Variants in RABGAP1 observed in about 807,000 individuals in gnomAD.
The protein encoded by RABGAP1 is rab GTPase-activating protein 1.
In RABGAP1, 23 loss-of-function variants were observed where a neutral mutation model predicts 137.6. The observed-to-expected ratio is 0.17, with a 90% CI of 0.12 to 0.24. The LOEUF is 0.24. Ranked by LOEUF, RABGAP1 falls within the 10% of genes least tolerant of loss-of-function variation. The pLI is 1.00. For synonymous variants in RABGAP1, 451 were observed against 450.7 expected (o/e 1.00, Z -0.01); for missense variants, 906 against 1,275.8 (o/e 0.71, Z 4.42).
chr9:123,049,411 T>C (rs965809379), intron 13 of RABGAP1, among the ~76,000 whole-genome samples: 3 of 152,192 alleles, frequency 2.0e-5, no homozygotes, highest in Non-Finnish European at 2.9e-5. Flanking sequence ...GATGAACTCC[T>C]TACTAAATTA....
At chr9:123,025,464 A>G (rs1298195967) in intron 13 of RABGAP1, among the ~76,000 whole-genome samples, 1 of 151,876 alleles carries the variant, frequency 6.6e-6, no homozygotes, top group African/African-American at 2.4e-5. Context: ...AATTGCATTT[A>G]ATTTACATAC....
At chr9:122,947,850 A>G (rs899288589) in intron 1 of RABGAP1, among the ~76,000 whole-genome samples, 2 of 152,188 alleles carry the variant, frequency 1.3e-5, no homozygotes, top group Non-Finnish European at 2.9e-5. Context: ...AATAGTCTCA[A>G]AATTCAGAGT....
At chr9:123,079,766 C>T (rs890366559) in intron 19 of RABGAP1, among the ~76,000 whole-genome samples, 9 of 152,182 alleles carry the variant, frequency 5.9e-5, no homozygotes, top group African/African-American at 2.2e-4. Flanking sequence ...TCACTGTCCC[C>T]TCATCCAGTC....
At chr9:122,942,998 C>A (rs570171876) in intron 1 of RABGAP1, among the ~76,000 whole-genome samples, 1 of 150,756 alleles carries the variant, frequency 6.6e-6, no homozygotes, top group Non-Finnish European at 1.5e-5. Context: ...GGTAACACAG[C>A]CAGTTCCCAT....
chr9:123,034,355 G>A, intron 13 of RABGAP1: 1 of 569,800 alleles, frequency 1.8e-6, no homozygotes, highest in Non-Finnish European at 3.1e-6. Flanking sequence ...CCAGACAACT[G>A]CTGCTGGCTC....
At chr9:123,011,106 GA>G (rs2030766912) in intron 11 of RABGAP1, among the ~76,000 whole-genome samples, 2 of 151,944 alleles carry the variant, frequency 1.3e-5, no homozygotes. Flanking sequence ...GGAGCCACAG[GA>G]AACATGAATG....
intron 1 of RABGAP1, among the ~76,000 whole-genome samples, chr9:122,943,904 G>T (rs369420505): frequency 1.3e-5 from 2 of 152,120 alleles, no homozygotes; most frequent in East Asian, 3.9e-4. Flanking sequence ...AGTGAGCCAA[G>T]ATCGCACCAC....
At chr9:122,966,256 G>C (rs1835136974) in intron 2 of RABGAP1, among the ~76,000 whole-genome samples, 1 of 152,140 alleles carries the variant, frequency 6.6e-6, no homozygotes, top group South Asian at 2.1e-4. Flanking sequence ...TGGGTGCAGT[G>C]GCTCAGGCCT....
At position 123,104,307 on chromosome 9, in the gene RABGAP1, G is replaced by A. The variant is rs543331542; in HGVS notation, c.*1094G>A. On this transcript the variant is annotated 3_prime_UTR_variant, in exon 26 of 26. Transcript: ENST00000373647. The stretch of plus-strand genomic sequence containing the variant: ...CCATCCTCCGGGCCTGTCCCTCCCA[G>A]ATGGGCTGGGCCTTTGGGCCCTCCT... The A allele has an allele frequency of 6.6e-6, 1 of 152,460 alleles. No homozygotes were observed. The highest frequency in any genetic ancestry group is 2.1e-4 in the South Asian group (1 of 4,826). The allele number at this position is 152,460 out of a possible 1,614,324, so 9.4% of individuals were successfully genotyped here. A position where few individuals can be genotyped will look rare whatever the true frequency, so the allele number is the denominator to read the frequency against.
At chr9:122,967,696 C>T (rs772679359) in intron 2 of RABGAP1, among the ~76,000 whole-genome samples, 1 of 151,786 alleles carries the variant, frequency 6.6e-6, no homozygotes, top group African/African-American at 2.4e-5. Context: ...AGGTATCTTC[C>T]GAAGAACAAC....
chr9:123,020,750 G>A, intron 13 of RABGAP1: 1 of 278,508 alleles, frequency 3.6e-6, no homozygotes, highest in Non-Finnish European at 5.4e-6. Context: ...GCTATGCAAT[G>A]TGTAAAAATT....
intron 19 of RABGAP1, among the ~76,000 whole-genome samples, chr9:123,082,177 T>G (rs1272122801): frequency 2.0e-5 from 3 of 152,142 alleles, no homozygotes; most frequent in African/African-American, 4.8e-5. Flanking sequence ...TCTTTCTCCT[T>G]AAAGTGAACT....
At chr9:122,963,904 T>C (rs1834986275) in intron 2 of RABGAP1, among the ~76,000 whole-genome samples, 1 of 152,112 alleles carries the variant, frequency 6.6e-6, no homozygotes, top group African/African-American at 2.4e-5. Flanking sequence ...ACTGGAATCA[T>C]AAATGAAAGG....
At position 123,014,947 on chromosome 9, in the gene RABGAP1, G is replaced by C. The variant is rs182820480; in HGVS notation, c.1550-596G>C. Among the ~76,000 whole-genome samples the C allele has an allele frequency of 2.6e-5, 4 of 152,252 alleles. No homozygotes were observed. The East Asian group carries it at 7.7e-4, about 29-fold the overall frequency. ...ATGAGAACTCACTGTCATGAGAACA[G>C]CATGGGGGAAACCGCCCCCATGATT... On this transcript the variant is annotated intron_variant, in intron 11 of 25. Transcript: ENST00000373647.
intron 19 of RABGAP1, 150 bp from the exon 20 acceptor site, chr9:123,089,608 C>G: frequency 3.2e-6 from 2 of 627,110 alleles, no homozygotes; most frequent in Non-Finnish European, 5.5e-6. Context: ...ATACCCTACT[C>G]TGATGATTTC....
chr9:123,014,369 T>C (rs942751378), intron 11 of RABGAP1, among the ~76,000 whole-genome samples: 2 of 152,226 alleles, frequency 1.3e-5, no homozygotes, highest in African/African-American at 4.8e-5. Flanking sequence ...TTTTATAAAT[T>C]AATATTTCCC....
chr9:123,102,127 C>CT (rs1724798591), intron 25 of RABGAP1, among the ~76,000 whole-genome samples: 1 of 152,190 alleles, frequency 6.6e-6, no homozygotes, highest in Non-Finnish European at 1.5e-5. Flanking sequence ...GAGTCCCTAT[C>CT]TGATAGGTTG....
chr9:123,089,232 G>T (rs12353013), intron 19 of RABGAP1, among the ~76,000 whole-genome samples: 2,402 of 152,238 alleles, frequency 0.016, 66 homozygotes, highest in African/African-American at 0.055. Flanking sequence ...TGCTAGGATA[G>T]TGAGGACTTT....
intron 10 of RABGAP1, among the ~76,000 whole-genome samples, chr9:123,000,102 A>T (rs996736132): frequency 7.9e-5 from 12 of 152,140 alleles, no homozygotes; most frequent in Non-Finnish European, 1.5e-4. Context: ...ATTACAGTAC[A>T]GCCACTTTAG....
Sources: allele counts gnomAD v4.1 joint callset (sites outside exome capture counted in the v4.1 genomes callset), GRCh38; gene constraint gnomAD v4.1.1; transcripts MANE v1.5; gene names NCBI Gene and HGNC (gene_info 2026-07-23, HGNC 2026-07-21).